RTL4: variants seen among roughly 807,000 people sequenced by gnomAD.
The protein encoded by RTL4 is retrotransposon Gag-like protein 4.
In RTL4, 4 loss-of-function variants were observed where a neutral mutation model predicts 5.3. The observed-to-expected ratio is 0.75, with a 90% CI of 0.37 to 1.72. The LOEUF is 1.72. Among genes scored for constraint, RTL4 ranks in the 40% most tolerant of loss-of-function variants. The pLI is 0.04. For missense variants in RTL4, 260 were observed against 227.1 expected (o/e 1.14, Z -0.93); for synonymous variants, 98 against 87.3 (o/e 1.12, Z -0.68).
the RTL4 span, among the ~76,000 whole-genome samples, chrX:112,384,822 T>C: frequency 8.9e-6 from 1 of 112,155 alleles, no homozygotes; most frequent in African/African-American, 3.2e-5. Flanking sequence ...TTCATGATAT[T>C]GATTCTTCCT....
chrX:112,391,754 C>T, the RTL4 span, among the ~76,000 whole-genome samples: 6 of 110,775 alleles, frequency 5.4e-5, no homozygotes, highest in African/African-American at 1.6e-4. Context: ...TCATTGAGTG[C>T]TGGCTATAGA....
chrX:112,120,596 T>TA, the RTL4 span, among the ~76,000 whole-genome samples: 3 of 108,019 alleles, frequency 2.8e-5, no homozygotes, highest in Non-Finnish European at 1.9e-5. Flanking sequence ...TTTTTTTTTT[T>TA]AGCACTTGGA....
the RTL4 span, among the ~76,000 whole-genome samples, chrX:112,352,506 G>C: frequency 9.0e-6 from 1 of 110,801 alleles, no homozygotes; most frequent in Non-Finnish European, 1.9e-5. Flanking sequence ...GAACATAACA[G>C]AGCCCTCAGA....
chrX:112,284,577 C>G, the RTL4 span, among the ~76,000 whole-genome samples: 23 of 111,226 alleles, frequency 2.1e-4, no homozygotes, highest in African/African-American at 7.5e-4. Flanking sequence ...TATGAAAAGC[C>G]CAAGTACCAT....
the RTL4 span, among the ~76,000 whole-genome samples, chrX:112,276,046 G>A: frequency 9.0e-6 from 1 of 111,542 alleles, no homozygotes; most frequent in African/African-American, 3.3e-5. Context: ...TTTTCTTCCT[G>A]TCATTTTTCA....
At chrX:112,321,534 C>CA in the RTL4 span, among the ~76,000 whole-genome samples, 3,338 of 35,682 alleles carry the variant, frequency 0.094, 132 homozygotes, top group African/African-American at 0.21. Flanking sequence ...GACTCCGTCT[C>CA]AAAAAAAAAA....
At chrX:112,400,281 T>C in the RTL4 span, among the ~76,000 whole-genome samples, 2 of 112,092 alleles carry the variant, frequency 1.8e-5, no homozygotes, top group South Asian at 7.4e-4. Context: ...ATATTATCTC[T>C]ATTATGTTTC....
At chrX:112,108,393 T>C in the RTL4 span, among the ~76,000 whole-genome samples, 5 of 111,845 alleles carry the variant, frequency 4.5e-5, no homozygotes, top group Admixed American at 2.9e-4. Context: ...GATTGGGATC[T>C]GCAAATTTTC....
the RTL4 span, among the ~76,000 whole-genome samples, chrX:112,223,880 A>G: frequency 1.8e-4 from 20 of 111,971 alleles, no homozygotes; most frequent in Non-Finnish European, 3.4e-4. Context: ...TTTTTCCTCA[A>G]TGGAGATTTA....
the RTL4 span, among the ~76,000 whole-genome samples, chrX:112,345,029 A>T: frequency 1.8e-5 from 2 of 111,713 alleles, no homozygotes; most frequent in Non-Finnish European, 1.9e-5. Flanking sequence ...TGATTCAATT[A>T]TCTCCACTTA....
the RTL4 span, among the ~76,000 whole-genome samples, chrX:112,327,119 G>C: frequency 8.9e-6 from 1 of 112,266 alleles, no homozygotes; most frequent in African/African-American, 3.2e-5. Context: ...CCAAAGGAAC[G>C]CAGTTCCTCA....
the RTL4 span, among the ~76,000 whole-genome samples, chrX:112,233,680 C>A: frequency 9.0e-6 from 1 of 111,323 alleles, no homozygotes; most frequent in Non-Finnish European, 1.9e-5. Context: ...GGCTATGTAA[C>A]CTTGGGCAAT....
the RTL4 span, among the ~76,000 whole-genome samples, chrX:112,110,259 C>G: frequency 8.9e-6 from 1 of 112,266 alleles, no homozygotes; most frequent in African/African-American, 3.2e-5. Flanking sequence ...GTGAGGAGGT[C>G]TAGGCCTTGG....
chrX:112,413,642 AAATT>A, the RTL4 span, among the ~76,000 whole-genome samples: 6 of 111,231 alleles, frequency 5.4e-5, no homozygotes, highest in Non-Finnish European at 1.1e-4. Flanking sequence ...GGGGAGCTAA[AAATT>A]AAAACAAATG....
the RTL4 span, among the ~76,000 whole-genome samples, chrX:112,097,401 C>T: frequency 9.0e-6 from 1 of 111,021 alleles, no homozygotes; most frequent in African/African-American, 3.3e-5. Flanking sequence ...TTTGGAAGCC[C>T]GAGATGAGAG....
the RTL4 span, among the ~76,000 whole-genome samples, chrX:112,442,747 G>A: frequency 9.0e-6 from 1 of 111,146 alleles, no homozygotes. Flanking sequence ...CAAGAAGGGA[G>A]GAAGAGCTAA....
At chrX:112,433,119 C>G in the RTL4 span, among the ~76,000 whole-genome samples, 8 of 111,204 alleles carry the variant, frequency 7.2e-5, no homozygotes, top group Admixed American at 3.8e-4. Flanking sequence ...GTACCATGCT[C>G]TTTTGGTTAC....
the RTL4 span, among the ~76,000 whole-genome samples, chrX:112,245,253 T>C: frequency 9.0e-6 from 1 of 111,691 alleles, no homozygotes; most frequent in East Asian, 2.8e-4. Context: ...CCTTGCTAGG[T>C]TGGGGAAGTT....
chrX:112,216,127 A>T, the RTL4 span, among the ~76,000 whole-genome samples: 38 of 111,772 alleles, frequency 3.4e-4, no homozygotes, highest in African/African-American at 1.2e-3. Context: ...CATCAACACC[A>T]AGGAGTAGAG....
Sources: gnomAD v4.1 joint callset for allele counts (sites outside exome capture counted in the v4.1 genomes callset) on GRCh38, gnomAD v4.1.1 for gene constraint, MANE v1.5 for transcripts, NCBI Gene and HGNC (gene_info 2026-07-23, HGNC 2026-07-21) for gene names.